The following CAGE1 variants were observed in gnomAD, a reference collection of about 807,000 sequenced individuals.
CAGE1 encodes the protein cancer-associated gene 1 protein.
CAGE1 carries 66 observed loss-of-function variants against 94.9 expected under a neutral mutation model. That is an observed-to-expected ratio of 0.70 (90% CI 0.57 to 0.85). The LOEUF (loss-of-function observed/expected upper bound fraction) is 0.85. Among genes scored for constraint, CAGE1 ranks in the 40% least tolerant of loss-of-function variants. CAGE1 has a pLI of 0.00. For synonymous variants in CAGE1, 319 were observed against 321.0 expected (o/e 0.99, Z 0.07); for missense variants, 865 against 950.4 (o/e 0.91, Z 1.18).
At chr6:7,340,760 G>A (rs772287846) in intron 11 of CAGE1, 69 of 297,068 alleles carry the variant, frequency 2.3e-4, no homozygotes, top group Non-Finnish European at 4.0e-4. Context: ...GGGTCCCTGA[G>A]CAAGTGATGG....
chr6:7,378,870 CTT>C lies in CAGE1; in HGVS notation c.432_433del (p.Gln146SerfsTer3). 2 of 1,611,704 alleles carry C rather than the reference CTT, an allele frequency of 1.2e-6. No homozygotes were observed. The highest frequency in any genetic ancestry group is 1.7e-6 in the Non-Finnish European group (2 of 1,178,552). ...GTCTTTTGCATAATTATACACTTGA[CTT>C]TGAAATTCTGGCTTCTCTGTCATTT... is the stretch of plus-strand genomic sequence containing the variant. On this transcript the variant is annotated frameshift_variant, in exon 4 of 14. Coordinates refer to ENST00000502583, the MANE Select transcript of CAGE1 (RefSeq NM_001170692.2). LOFTEE classifies it high-confidence loss of function.
chr6:7,358,035 T>TATATATAG (rs1760029053), intron 9 of CAGE1, among the ~76,000 whole-genome samples: 1 of 42,934 alleles, frequency 2.3e-5, no homozygotes, highest in Non-Finnish European at 4.3e-5. Flanking sequence ...GAGATATATA[T>TATATATAG]ATATATATAT....
At chr6:7,350,228 C>T (rs1433744559) in intron 11 of CAGE1, among the ~76,000 whole-genome samples, 1 of 152,100 alleles carries the variant, frequency 6.6e-6, no homozygotes, top group East Asian at 1.9e-4. Context: ...CATATATGCA[C>T]CTAACACTGG....
chr6:7,365,123 A>C lies in CAGE1; in HGVS notation c.2193+345T>G, dbSNP rs190748569. Among the ~76,000 whole-genome samples the C allele has an allele frequency of 3.9e-5, 6 of 152,326 alleles. No individual in the cohort carries two copies. In the East Asian group the frequency reaches 1.2e-3, roughly 29 times the overall value. ...CATTATGAGTGTTATTGCCTGAAGC[A>C]TACCTTAACCATGGCTGTTGTACAC... On this transcript the variant is annotated intron_variant, in intron 9 of 13. Transcript: ENST00000502583.
chr6:7,381,111 C>G (rs1277633311), intron 3 of CAGE1, among the ~76,000 whole-genome samples: 1 of 152,180 alleles, frequency 6.6e-6, no homozygotes, highest in African/African-American at 2.4e-5. Context: ...TTGTTGTATA[C>G]TGTTATGGGC....
intron 11 of CAGE1, chr6:7,341,149 T>C (rs1197753167): frequency 2.3e-5 from 13 of 569,900 alleles, no homozygotes; most frequent in South Asian, 1.5e-4. Context: ...CCGGTAGTTA[T>C]TGGTGGGCAG....
rs1760302993 is a variant in CAGE1 at position 7,365,581 on chromosome 6, A to G, written c.2086-6T>C. On this transcript the variant is annotated splice_polypyrimidine_tract_variant and splice_region_variant and intron_variant, in intron 8 of 13. Coordinates refer to ENST00000502583, the MANE Select transcript of CAGE1 (RefSeq NM_001170692.2). Reference sequence around the variant, plus strand: ...TCTGAATCACAGTCTATGACCTGAGATTAAATATATTTGTTCTCACTTTCA... The same window carrying G: ...TCTGAATCACAGTCTATGACCTGAGGTTAAATATATTTGTTCTCACTTTCA... The G allele has an allele frequency of 6.2e-7, 1 of 1,604,432 alleles. No individual in the cohort carries two copies. Among genetic ancestry groups the G allele is most frequent in the Non-Finnish European group, 8.5e-7 (1 of 1,173,094 alleles).
chr6:7,345,515 C>T (rs888855576), intron 11 of CAGE1, among the ~76,000 whole-genome samples: 1 of 152,078 alleles, frequency 6.6e-6, no homozygotes, highest in Admixed American at 6.5e-5. Context: ...CAAGATCACT[C>T]TGGCTGCATA....
chr6:7,341,156 G>A (rs1759159365), intron 11 of CAGE1: 1 of 573,102 alleles, frequency 1.7e-6, no homozygotes, highest in Non-Finnish European at 3.4e-6. Context: ...TTATTGGTGG[G>A]CAGGTACACT....
chr6:7,368,706 C>A lies in CAGE1; in HGVS notation c.1986G>T (p.Lys662Asn), dbSNP rs373050783. The A allele has an allele frequency of 1.1e-5, 17 of 1,509,864 alleles. No individual in the cohort carries two copies. The African/African-American group carries it at 2.2e-4, about 20-fold the overall frequency. 93.5% of individuals were successfully genotyped at this position (1,509,864 alleles called of 1,614,324 possible). ...ATAATACCTCTTTATCTAAAGTTTT[C>A]TTTTTAAGATGGAGGCTCTTCAGTT... is the stretch of plus-strand genomic sequence containing the variant. The part of the protein sequence containing the change: ...LQKLKSLHLK[K>N]KTLDKELLKH... The change falls in exon 7 of 14, where the codon AAG (lysine) becomes AAT (asparagine). Residue 662 changes from lysine (K) to asparagine (N), a missense_variant. Physicochemically the swap from Lys to Asn is moderately conservative, Grantham distance 94. Coordinates refer to ENST00000502583, the MANE Select transcript of CAGE1 (RefSeq NM_001170692.2).
chr6:7,337,178 T>C (rs1758983864), intron 11 of CAGE1, among the ~76,000 whole-genome samples: 1 of 151,808 alleles, frequency 6.6e-6, no homozygotes, highest in Non-Finnish European at 1.5e-5. Context: ...ACCAAAAAAA[T>C]TAGCCCAGTG....
In CAGE1 at chr6:7,337,477, C is replaced by G. The variant is rs570895758; in HGVS notation, c.2370-3387G>C. 5.3e-4 allele frequency among the ~76,000 whole-genome samples: 81 copies of G among 152,056 alleles called. No homozygotes were observed. In the Middle Eastern group the frequency reaches 0.014, roughly 26 times the overall value. ...TAGAAATTTTCTCATATGTGTTCTT[C>G]TAGATATTTTATGGTTTTAGCCTTT... is the stretch of plus-strand genomic sequence containing the variant. On this transcript the variant is annotated intron_variant, in intron 11 of 13. Coordinates refer to ENST00000502583, the MANE Select transcript of CAGE1 (RefSeq NM_001170692.2).
chr6:7,344,496 C>G (rs899619200), intron 11 of CAGE1, among the ~76,000 whole-genome samples: 5 of 152,264 alleles, frequency 3.3e-5, no homozygotes, highest in Non-Finnish European at 5.9e-5. Flanking sequence ...GCCTGAGCCT[C>G]GCAACCCCTC....
chr6:7,368,936 T>C, intron 6 of CAGE1, 138 bp from the exon 7 acceptor site: 1 of 566,690 alleles, frequency 1.8e-6, no homozygotes. Context: ...CATATTGAAC[T>C]CCATTCCTCA....
chr6:7,352,302 AAAACAAAAAAAAAC>A (rs1168769656), intron 11 of CAGE1, among the ~76,000 whole-genome samples: 3 of 102,144 alleles, frequency 2.9e-5, no homozygotes, highest in African/African-American at 8.6e-5. Flanking sequence ...AAAAAAAAAA[AAAACAAAAAAAAAC>A]AAAAAAAAAA....
Position 7,373,670 on chromosome 6 carries a change from C to T in CAGE1, c.1149G>A (p.Gln383=), listed in dbSNP as rs1339011435. 6.2e-7 allele frequency: 1 copy of T among 1,613,090 alleles called. No individual in the cohort carries two copies. Among genetic ancestry groups the T allele is most frequent in the East Asian group, 2.2e-5 (1 of 44,878 alleles). ...TGTTAGCTAAAACCTCTTCCAAATT[C>T]TGCAATGTCTTTTTAGTATCATTCT... ...LEKNDTKKTL[Q]NLEEVLANTQ... Residue 383 remains glutamine, a synonymous_variant, in exon 5 of 14, where the codon CAG becomes CAA. Coordinates refer to ENST00000502583, the MANE Select transcript of CAGE1 (RefSeq NM_001170692.2).
intron 9 of CAGE1, among the ~76,000 whole-genome samples, chr6:7,358,017 T>G: frequency 8.3e-6 from 1 of 120,024 alleles, no homozygotes; most frequent in Non-Finnish European, 1.7e-5. Flanking sequence ...TGCGGTTAGG[T>G]AAGTTTTGAG....
At chr6:7,384,493 G>A (rs1761046496) in intron 3 of CAGE1, among the ~76,000 whole-genome samples, 1 of 151,616 alleles carries the variant, frequency 6.6e-6, no homozygotes, top group African/African-American at 2.4e-5. Context: ...AGGGCCCGGT[G>A]TGGTGGCTGA....
intron 1 of CAGE1, among the ~76,000 whole-genome samples, chr6:7,387,791 G>A (rs1168705147): frequency 1.3e-5 from 2 of 150,910 alleles, no homozygotes; most frequent in African/African-American, 4.9e-5. Flanking sequence ...AGGCCGACGC[G>A]GGCGGATCAC....
Sources: gnomAD v4.1 joint callset for allele counts (sites outside exome capture counted in the v4.1 genomes callset) on GRCh38, gnomAD v4.1.1 for gene constraint, MANE v1.5 for transcripts, NCBI Gene and HGNC (gene_info 2026-07-23, HGNC 2026-07-21) for gene names.